Variants in SLC26A4 observed in about 807,000 individuals in gnomAD.
SLC26A4 encodes solute carrier family 26 member 4.
A neutral mutation model predicts 90.4 loss-of-function variants in SLC26A4; 93 were observed. The ratio of observed to expected loss-of-function variants is 1.03; its 90% CI spans 0.87 to 1.22. The LOEUF (loss-of-function observed/expected upper bound fraction) is 1.22. Ranked by LOEUF, SLC26A4 falls within the 50% of genes most tolerant of loss-of-function variation. SLC26A4 has a pLI of 0.00. For missense variants in SLC26A4, 1,127 were observed against 946.2 expected (o/e 1.19, Z -2.51); for synonymous variants, 393 against 354.6 (o/e 1.11, Z -1.22).
At chr7:107,669,751 A>C (rs1790814596) in intron 3 of SLC26A4, among the ~76,000 whole-genome samples, 1 of 152,248 alleles carries the variant, frequency 6.6e-6, no homozygotes, top group Non-Finnish European at 1.5e-5. Flanking sequence ...AAATACATAT[A>C]AGGAACATGA....
chr7:107,703,818 C>G (rs574432283), intron 17 of SLC26A4, among the ~76,000 whole-genome samples: 4 of 152,228 alleles, frequency 2.6e-5, no homozygotes, highest in African/African-American at 9.6e-5. Context: ...TTTATTTTGA[C>G]ATAATTGTAA....
chr7:107,688,779 A>C (rs1791486848), intron 8 of SLC26A4, among the ~76,000 whole-genome samples: 1 of 152,226 alleles, frequency 6.6e-6, no homozygotes, highest in Non-Finnish European at 1.5e-5. Flanking sequence ...AGAATCAGTA[A>C]CAGCAGATTT....
In SLC26A4 at chr7:107,661,287, G is replaced by A. The variant is rs1366965709; in HGVS notation, c.-3-352G>A. 4 of 387,588 alleles carry A rather than the reference G, an allele frequency of 1.0e-5. No homozygotes were observed. The highest frequency in any genetic ancestry group is 2.1e-5 in the African/African-American group (1 of 46,968). The allele number at this position is 387,588 out of a possible 1,614,324, so 24.0% of individuals were successfully genotyped here. ...GCCCCTGCCCCAGCCCCTCGGTTTG[G>A]GGGAGATTTCAGAACGCGGACAGCG... On this transcript the variant is annotated intron_variant, in intron 1 of 20. Coordinates refer to ENST00000644269, the MANE Select transcript of SLC26A4 (RefSeq NM_000441.2). This position sits in a 1 kb window ranked among gnomAD's most constrained non-coding sequence, Gnocchi z 5.1.
chr7:107,663,262 G>A, intron 2 of SLC26A4, 34 bp from the exon 3 acceptor site: 2 of 1,613,658 alleles, frequency 1.2e-6, no homozygotes, highest in South Asian at 2.2e-5. Context: ...GACTGAGATT[G>A]GATTGAAAAC....
At chr7:107,687,662 G>A (rs1244657161) in intron 8 of SLC26A4, among the ~76,000 whole-genome samples, 2 of 152,144 alleles carry the variant, frequency 1.3e-5, no homozygotes, top group Non-Finnish European at 2.9e-5. Context: ...CAAGGATCAG[G>A]TCATATTTGG....
intron 18 of SLC26A4, among the ~76,000 whole-genome samples, chr7:107,706,297 G>T (rs999922413): frequency 6.6e-6 from 1 of 152,076 alleles, no homozygotes; most frequent in African/African-American, 2.4e-5. Flanking sequence ...AATTTGCTTT[G>T]CCAAGCCTGG....
rs1790887971 is a variant in SLC26A4, at chr7:107,672,197, T to C, written c.364T>C (p.Phe122Leu). The change falls in exon 4 of 21, where the codon TTC becomes CTC. Residue 122 changes from phenylalanine to leucine, a missense_variant. Coordinates refer to ENST00000644269, the MANE Select transcript of SLC26A4 (RefSeq NM_000441.2). ...PVGYGLYSAF[F>L]PILTYFIFGT... ...CGGATATGGTCTCTACTCTGCTTTT[T>C]TCCCTATCCTGACATACTTTATCTT... is the stretch of plus-strand genomic sequence containing the variant. 1.9e-6 allele frequency: 3 copies of C among 1,612,904 alleles called. No individual in the cohort carries two copies. The highest frequency in any genetic ancestry group is 2.5e-6 in the Non-Finnish European group (3 of 1,178,940).
chr7:107,700,736 A>G (rs1394637126), intron 15 of SLC26A4, among the ~76,000 whole-genome samples: 1 of 152,244 alleles, frequency 6.6e-6, no homozygotes, highest in Non-Finnish European at 1.5e-5. Flanking sequence ...AGTGAGTTCC[A>G]GGGCAAACTG....
At position 107,712,594 on chromosome 7, in the gene SLC26A4, C is replaced by G. The variant is rs150597240; in HGVS notation, c.2291C>G (p.Thr764Arg). The G allele has an allele frequency of 6.3e-7, 1 of 1,585,754 alleles. No homozygotes were observed. The highest frequency in any genetic ancestry group is 1.3e-5 in the African/African-American group (1 of 74,424). ...DTLELIETEL[T>R]EEELDVQDEA... ...CTTGAATTAATAGAAACAGAGCTGA[C>G]GGAAGAAGAACTTGATGTCCAGGAT... is the stretch of plus-strand genomic sequence containing the variant. Residue 764 changes from threonine (T) to arginine (R), a missense_variant, in exon 20 of 21, where the codon ACG becomes AGG. By Grantham distance (71) the Thr-to-Arg change is moderately conservative. Coordinates refer to ENST00000644269, the MANE Select transcript of SLC26A4 (RefSeq NM_000441.2).
chr7:107,675,009 G>A lies in SLC26A4; in HGVS notation c.665G>A (p.Gly222Asp). The A allele has an allele frequency of 6.2e-7, 1 of 1,614,012 alleles. No homozygotes were observed. Among genetic ancestry groups the A allele is most frequent in the African/African-American group, 1.3e-5 (1 of 75,004 alleles). ...VRYLADPLVG[G>D]FTTAAAFQVL... ...TACTTGGCAGATCCTTTGGTTGGTG[G>A]CTTCACAACAGCTGCTGCCTTCCAA... Residue 222 changes from glycine to aspartate, a missense_variant, in exon 6 of 21, where the codon GGC becomes GAC. Coordinates refer to ENST00000644269, the MANE Select transcript of SLC26A4 (RefSeq NM_000441.2).
intron 19 of SLC26A4, 150 bp from the exon 20 acceptor site, chr7:107,712,389 T>A (rs932010817): frequency 6.4e-6 from 4 of 620,490 alleles, no homozygotes; most frequent in Non-Finnish European, 1.2e-5. Context: ...AAAATTTTAG[T>A]TGGGAAATAT....
At chr7:107,682,091 T>C (rs1259015305) in intron 6 of SLC26A4, among the ~76,000 whole-genome samples, 1 of 126,676 alleles carries the variant, frequency 7.9e-6, no homozygotes, top group African/African-American at 3.1e-5. Context: ...TACTCCAGCC[T>C]GGGCAAGAGA....
intron 6 of SLC26A4, among the ~76,000 whole-genome samples, chr7:107,682,089 C>G (rs951216348): frequency 7.3e-6 from 1 of 136,422 alleles, no homozygotes; most frequent in African/African-American, 2.9e-5. Flanking sequence ...TGTACTCCAG[C>G]CTGGGCAAGA....
chr7:107,679,018 C>A (rs755686981), intron 6 of SLC26A4, among the ~76,000 whole-genome samples: 7 of 151,978 alleles, frequency 4.6e-5, no homozygotes, highest in Non-Finnish European at 8.8e-5. Context: ...GTAACAAATG[C>A]AAAGAAATAG....
intron 20 of SLC26A4, among the ~76,000 whole-genome samples, chr7:107,714,973 C>A (rs1007099222): frequency 6.6e-6 from 1 of 151,314 alleles, no homozygotes; most frequent in Admixed American, 6.6e-5. Context: ...GCCTGTAATC[C>A]CAGCACTTTG....
In SLC26A4 at chr7:107,672,209, A is replaced by G. The variant is rs1203821502; in HGVS notation, c.376A>G (p.Thr126Ala). 6.2e-7 allele frequency: 1 copy of G among 1,611,218 alleles called. No homozygotes were observed. The highest frequency in any genetic ancestry group is 1.7e-5 in the Admixed American group (1 of 60,000). The change falls in exon 4 of 21, where the codon ACA (threonine) becomes GCA (alanine). Residue 126 changes from threonine to alanine, a missense_variant. Transcript: ENST00000644269. ...CTACTCTGCTTTTTTCCCTATCCTG[A>G]CATACTTTATCTTTGGAACATCAAG... ...GLYSAFFPIL[T>A]YFIFGTSRHI...
intron 6 of SLC26A4, among the ~76,000 whole-genome samples, chr7:107,678,818 C>G (rs914461106): frequency 2.0e-5 from 3 of 151,728 alleles, no homozygotes; most frequent in Non-Finnish European, 4.4e-5. Context: ...GAGAATTTTG[C>G]TTATGACATT....
In SLC26A4 at chr7:107,710,110, G is replaced by A. The variant is rs761870156; in HGVS notation, c.2146G>A (p.Asp716Asn). 6.2e-7 allele frequency: 1 copy of A among 1,610,640 alleles called. No individual in the cohort carries two copies. The highest frequency in any genetic ancestry group is 8.5e-7 in the Non-Finnish European group (1 of 1,176,798). Residue 716 changes from aspartate (D) to asparagine (N), a missense_variant, in exon 19 of 21, where the codon GAC becomes AAC. Coordinates refer to ENST00000644269, the MANE Select transcript of SLC26A4 (RefSeq NM_000441.2). ...GTTCTTTGACGACAACATTAGAAAG[G>A]ACACATTCTTTTTGACGGTCCATGA... ...CGFFDDNIRK[D>N]TFFLTVHDAI...
At chr7:107,707,707 A>G (rs1322802789) in intron 18 of SLC26A4, among the ~76,000 whole-genome samples, 1 of 152,252 alleles carries the variant, frequency 6.6e-6, no homozygotes, top group Non-Finnish European at 1.5e-5. Flanking sequence ...AAAATATAGC[A>G]CAAAGAAAGT....
Sources: gnomAD v4.1 joint callset for allele counts (sites outside exome capture counted in the v4.1 genomes callset) on GRCh38, gnomAD v4.1.1 for gene constraint, Gnocchi (gnomAD v3.1) non-coding constraint, MANE v1.5 for transcripts, NCBI Gene and HGNC (gene_info 2026-07-23, HGNC 2026-07-21) for gene names.